PANK3: variants seen among roughly 807,000 people sequenced by gnomAD.
PANK3 encodes the protein pantothenate kinase 3.
Under a neutral mutation model 39.4 loss-of-function variants are expected in PANK3, and 20 were observed. That is an observed-to-expected ratio of 0.51 (90% CI 0.36 to 0.74). The LOEUF (loss-of-function observed/expected upper bound fraction) is 0.74. PANK3 is among the 30% of genes least tolerant of loss of function. PANK3 has a pLI of 0.00. For missense variants in PANK3, 265 were observed against 437.0 expected, an observed-to-expected ratio of 0.61 and a Z score of 3.51; for synonymous variants, 140 against 157.3, an observed-to-expected ratio of 0.89 and a Z score of 0.82.
chr5:168,564,059 T>A lies in PANK3; in HGVS notation c.642A>T (p.Gly214=), dbSNP rs1561840728. The A allele has an allele frequency of 6.3e-7, 1 of 1,591,914 alleles. No homozygotes were observed. The highest frequency in any genetic ancestry group is 1.9e-5 in the Admixed American group (1 of 53,630). The change falls in exon 4 of 7, where the codon GGA becomes GGT. Residue 214 remains glycine (G), a synonymous_variant. Transcript: ENST00000239231. ...TGCATAAACCCAGAAAGGTACCCCC[T>A]CCAAGGCTAAAGAAAATAAAGAAAC... ...NYKRVTGTSL[G]GGTFLGLCSL...
chr5:168,578,874 C>T (rs1759776702), intron 1 of PANK3, among the ~76,000 whole-genome samples: 1 of 152,198 alleles, frequency 6.6e-6, no homozygotes, highest in South Asian at 2.1e-4. Flanking sequence ...CCCGGAAATC[C>T]CTAAAAACAG....
chr5:168,579,296 A>C lies in PANK3; in HGVS notation c.-13T>G. 1 of 1,484,104 alleles carries C rather than the reference A, an allele frequency of 6.7e-7. No individual in the cohort carries two copies. Among genetic ancestry groups the C allele is most frequent in the Non-Finnish European group, 9.0e-7 (1 of 1,113,050 alleles). The allele number at this position is 1,484,104 out of a possible 1,614,324, so 91.9% of individuals were successfully genotyped here. ...CTTTGATCTTCATGGCGTCGGCCCGAGGGGCGATGGACGGCCTCCGATCCG... is the reference window on the plus strand; with the variant it reads ...CTTTGATCTTCATGGCGTCGGCCCGCGGGGCGATGGACGGCCTCCGATCCG... On this transcript the variant is annotated 5_prime_UTR_variant, in exon 1 of 7. Transcript: ENST00000239231.
At chr5:168,575,766 A>G (rs1430159881) in intron 1 of PANK3, among the ~76,000 whole-genome samples, 4 of 152,116 alleles carry the variant, frequency 2.6e-5, no homozygotes, top group Non-Finnish European at 5.9e-5. Flanking sequence ...AGCCTGGGTG[A>G]CAGTGTGAGA....
chr5:168,571,568 T>C (rs1180199374), intron 1 of PANK3, among the ~76,000 whole-genome samples: 1 of 152,212 alleles, frequency 6.6e-6, no homozygotes, highest in Non-Finnish European at 1.5e-5. Context: ...TCAAGATACA[T>C]GGATTAAAAT....
intron 1 of PANK3, among the ~76,000 whole-genome samples, chr5:168,570,677 T>C (rs1017174091): frequency 6.6e-6 from 1 of 152,106 alleles, no homozygotes; most frequent in Non-Finnish European, 1.5e-5. Flanking sequence ...GTTAAGGAAC[T>C]AGAAAAAGGG....
At chr5:168,573,454 A>G (rs1195358314) in intron 1 of PANK3, among the ~76,000 whole-genome samples, 1 of 147,486 alleles carries the variant, frequency 6.8e-6, no homozygotes, top group Admixed American at 6.8e-5. Context: ...AAAGGCACAA[A>G]GAAGGCAGCA....
In PANK3 at chr5:168,553,393, C is replaced by A; in HGVS notation, c.*4178G>T. On this transcript the variant is annotated 3_prime_UTR_variant, in exon 7 of 7. Transcript: ENST00000239231. The stretch of plus-strand genomic sequence containing the variant: ...AACCAACTCAGCTTGTCTGCAGAAT[C>A]CCATAAGGCAACCAGTAATAGCCAA... 2.1e-6 allele frequency: 1 copy of A among 477,908 alleles called. No homozygotes were observed. The highest frequency in any genetic ancestry group is 2.3e-5 in the Admixed American group (1 of 42,562). The allele number at this position is 477,908 out of a possible 1,614,324, so 29.6% of individuals were successfully genotyped here.
At chr5:168,562,471 C>G (rs1759462584) in intron 4 of PANK3, among the ~76,000 whole-genome samples, 2 of 152,086 alleles carry the variant, frequency 1.3e-5, no homozygotes, top group African/African-American at 4.8e-5. Context: ...AAGGGAGAGG[C>G]AGGAGATATT....
intron 3 of PANK3, among the ~76,000 whole-genome samples, chr5:168,565,085 T>C (rs1236476674): frequency 6.6e-6 from 1 of 152,220 alleles, no homozygotes; most frequent in Non-Finnish European, 1.5e-5. Context: ...GCAATAGCAG[T>C]GTACAATTCT....
chr5:168,558,891 G>T lies in PANK3; in HGVS notation c.1062+141C>A, dbSNP rs1759397219. ...TCCCAGCTACTTGGGAGGCTGAGGT[G>T]GGAGGATTGATGAGCCCAGGAGGAA... On this transcript the variant is annotated intron_variant, in intron 6 of 6. Transcript: ENST00000239231. 6.2e-6 allele frequency: 4 copies of T among 649,932 alleles called. No homozygotes were observed. In the Admixed American group the frequency reaches 1.1e-4, roughly 17 times the overall value. 40.3% of individuals were successfully genotyped at this position (649,932 alleles called of 1,614,324 possible). A position where few individuals can be genotyped will look rare whatever the true frequency, so the allele number is the denominator to read the frequency against.
intron 1 of PANK3, among the ~76,000 whole-genome samples, chr5:168,576,936 G>A (rs1262839230): frequency 6.6e-6 from 1 of 152,006 alleles, no homozygotes; most frequent in Non-Finnish European, 1.5e-5. Context: ...CTGGAGTGCA[G>A]TGGCGTGATC....
In PANK3 at chr5:168,579,316, G is replaced by A. The variant is rs1759790983; in HGVS notation, c.-33C>T. The A allele has an allele frequency of 1.4e-6, 2 of 1,459,566 alleles. No homozygotes were observed. The highest frequency in any genetic ancestry group is 1.8e-6 in the Non-Finnish European group (2 of 1,100,562). The allele number at this position is 1,459,566 out of a possible 1,614,324, so 90.4% of individuals were successfully genotyped here. On this transcript the variant is annotated 5_prime_UTR_variant, in exon 1 of 7. Transcript: ENST00000239231. ...GCCCGAGGGGCGATGGACGGCCTCC[G>A]ATCCGGGGCACTGAGAGCAGAGGCG...
chr5:168,573,614 G>A (rs1374778703), intron 1 of PANK3, among the ~76,000 whole-genome samples: 1 of 151,178 alleles, frequency 6.6e-6, no homozygotes, highest in Admixed American at 6.6e-5. Context: ...CTGGTACGCT[G>A]CACCAACTCG....
chr5:168,552,307 C>G lies in PANK3; in HGVS notation c.*5264G>C, dbSNP rs899407484. On this transcript the variant is annotated 3_prime_UTR_variant, in exon 7 of 7. Coordinates refer to ENST00000239231, the MANE Select transcript of PANK3 (RefSeq NM_024594.4). ...TCATGAGATCTGCTTCAGTGAAGTA[C>G]GTATGTATTTTGGGTTGTTGGGAAC... is the stretch of plus-strand genomic sequence containing the variant. 2.0e-5 allele frequency: 3 copies of G among 152,022 alleles called. No individual in the cohort carries two copies. Among genetic ancestry groups the G allele is most frequent in the Non-Finnish European group, 4.4e-5 (3 of 68,032 alleles). The allele number at this position is 152,022 out of a possible 1,614,324, so 9.4% of individuals were successfully genotyped here.
chr5:168,558,603 C>G (rs1193632053), intron 6 of PANK3, among the ~76,000 whole-genome samples: 1 of 152,180 alleles, frequency 6.6e-6, no homozygotes, highest in Non-Finnish European at 1.5e-5. Flanking sequence ...TTGCTCAGAT[C>G]AGAACTTAAC....
At chr5:168,558,036 A>C (rs1312179929) in intron 6 of PANK3, among the ~76,000 whole-genome samples, 1 of 152,112 alleles carries the variant, frequency 6.6e-6, no homozygotes, top group Non-Finnish European at 1.5e-5. Context: ...TTACTTAATA[A>C]AACAAACTAA....
At chr5:168,558,386 G>C (rs1759386999) in intron 6 of PANK3, among the ~76,000 whole-genome samples, 1 of 151,862 alleles carries the variant, frequency 6.6e-6, no homozygotes, top group African/African-American at 2.4e-5. Context: ...GGATGGTCTT[G>C]ATCTCCTGAC....
At chr5:168,560,405 A>G (rs1025632706) in intron 5 of PANK3, among the ~76,000 whole-genome samples, 1 of 152,028 alleles carries the variant, frequency 6.6e-6, no homozygotes, top group Admixed American at 6.6e-5. Context: ...TTAACCACTC[A>G]ATTACTTAGC....
rs749720894 is a variant in PANK3 at position 168,579,317 on chromosome 5, A to G, written c.-34T>C. ...CCCGAGGGGCGATGGACGGCCTCCGATCCGGGGCACTGAGAGCAGAGGCGG... is the reference window on the plus strand; with the variant it reads ...CCCGAGGGGCGATGGACGGCCTCCGGTCCGGGGCACTGAGAGCAGAGGCGG... On this transcript the variant is annotated 5_prime_UTR_variant, in exon 1 of 7. Transcript: ENST00000239231. 1.4e-6 allele frequency: 2 copies of G among 1,458,284 alleles called. No homozygotes were observed. The highest frequency in any genetic ancestry group is 2.8e-5 in the South Asian group (2 of 71,094). The allele number at this position is 1,458,284 out of a possible 1,614,324, so 90.3% of individuals were successfully genotyped here.
Sources: gnomAD v4.1 joint callset for allele counts (sites outside exome capture counted in the v4.1 genomes callset) on GRCh38, gnomAD v4.1.1 for gene constraint, MANE v1.5 for transcripts, NCBI Gene and HGNC (gene_info 2026-07-23, HGNC 2026-07-21) for gene names.